Variants in NGLY1 observed in about 807,000 individuals in gnomAD.
The protein encoded by NGLY1 is peptide-N(4)-(N-acetyl-beta-glucosaminyl)asparagine amidase.
In NGLY1, 68 loss-of-function variants were observed where a neutral mutation model predicts 84.6. The ratio of observed to expected loss-of-function variants is 0.80; its 90% CI spans 0.66 to 0.98. NGLY1 has a LOEUF of 0.98. Ranked by LOEUF, NGLY1 falls within the 50% of genes least tolerant of loss-of-function variation. The pLI, the probability that NGLY1 is intolerant of heterozygous loss-of-function variation, is 0.00. For synonymous variants in NGLY1, 280 were observed against 275.2 expected (o/e 1.02, Z -0.17); for missense variants, 779 against 770.2 (o/e 1.01, Z -0.14).
intron 10 of NGLY1, among the ~76,000 whole-genome samples, chr3:25,726,616 C>A (rs1005641610): frequency 6.6e-6 from 1 of 152,138 alleles, no homozygotes; most frequent in Admixed American, 6.5e-5. Flanking sequence ...CAAGGGGTAG[C>A]ACAGTGCAAG....
At position 25,764,327 on chromosome 3, in the gene NGLY1, T is replaced by A; in HGVS notation, c.247-16A>T. 6.3e-7 allele frequency: 1 copy of A among 1,599,484 alleles called. No individual in the cohort carries two copies. The highest frequency in any genetic ancestry group is 1.4e-5 in the African/African-American group (1 of 73,794). ...GTGTTTCTCCCTGGAATTTATAAAATTAAAAAAAATGTGAACCTTTGCTTT... is the reference window on the plus strand; with the variant it reads ...GTGTTTCTCCCTGGAATTTATAAAAATAAAAAAAATGTGAACCTTTGCTTT... On this transcript the variant is annotated splice_polypyrimidine_tract_variant and intron_variant, in intron 2 of 11. Coordinates refer to ENST00000280700, the MANE Select transcript of NGLY1 (RefSeq NM_018297.4).
intron 1 of NGLY1, among the ~76,000 whole-genome samples, chr3:25,781,500 T>C (rs1460263251): frequency 1.3e-5 from 2 of 152,196 alleles, no homozygotes; most frequent in Non-Finnish European, 2.9e-5. Context: ...TCCTCTTTCC[T>C]ATCCTTGGAA....
chr3:25,782,816 C>G (rs961570884), intron 1 of NGLY1: 2 of 162,894 alleles, frequency 1.2e-5, no homozygotes, highest in African/African-American at 4.8e-5. Flanking sequence ...TGAGTAACTT[C>G]TGATAAGTAT....
chr3:25,773,136 C>A (rs1204810428), intron 2 of NGLY1, among the ~76,000 whole-genome samples: 2 of 152,068 alleles, frequency 1.3e-5, no homozygotes, highest in Non-Finnish European at 1.5e-5. Flanking sequence ...ATGAATTTCC[C>A]AGGTGTTCTT....
At chr3:25,743,504 A>G (rs918287099) in intron 4 of NGLY1, among the ~76,000 whole-genome samples, 2 of 152,148 alleles carry the variant, frequency 1.3e-5, no homozygotes, top group Non-Finnish European at 2.9e-5. Context: ...AAAATCTTGT[A>G]TCAAACAGCA....
chr3:25,761,222 G>A (rs544521571), intron 3 of NGLY1, among the ~76,000 whole-genome samples: 6 of 152,236 alleles, frequency 3.9e-5, no homozygotes, highest in African/African-American at 1.4e-4. Context: ...GATTAGCTGA[G>A]TAAAAAGTAC....
upstream of NGLY1, among the ~76,000 whole-genome samples, chr3:25,786,055 A>T (rs930565939): frequency 1.3e-5 from 2 of 152,200 alleles, no homozygotes; most frequent in Non-Finnish European, 2.9e-5. Context: ...TTCCTGAAAG[A>T]CTTCAACTCC....
Position 25,751,175 on chromosome 3 carries a change from G to A in NGLY1, c.581C>T (p.Ala194Val), listed in dbSNP as rs750077439. 5.6e-6 allele frequency: 9 copies of A among 1,613,484 alleles called. No individual in the cohort carries two copies. The highest frequency in any genetic ancestry group is 3.3e-5 in the Admixed American group (2 of 59,956). ...TTCTTGGACCGGAATACAAGCCAAC[G>A]CTTTCTCCTGAAGAGCAGGATTTTC... is the stretch of plus-strand genomic sequence containing the variant. ...VYENPALQEKALACIPVQELK... is the reference protein window; with the variant it reads ...VYENPALQEKVLACIPVQELK... Residue 194 changes from alanine to valine, a missense_variant, in exon 4 of 12, where the codon GCG becomes GTG. By Grantham distance (64) the Ala-to-Val change is moderately conservative (BLOSUM62 0). Transcript: ENST00000280700.
chr3:25,754,503 A>G (rs1706929351), intron 3 of NGLY1, among the ~76,000 whole-genome samples: 1 of 152,190 alleles, frequency 6.6e-6, no homozygotes, highest in African/African-American at 2.4e-5. Flanking sequence ...ATAAGCCATT[A>G]AAGAGACTTA....
chr3:25,765,197 C>T (rs1294110511), intron 2 of NGLY1, among the ~76,000 whole-genome samples: 2 of 151,930 alleles, frequency 1.3e-5, no homozygotes, highest in Non-Finnish European at 2.9e-5. Flanking sequence ...TGGTGGCTCA[C>T]GCCTGTAATC....
rs1382052956 is a variant in NGLY1, at chr3:25,719,418, A to G, written c.*42T>C. On this transcript the variant is annotated 3_prime_UTR_variant, in exon 12 of 12. Transcript: ENST00000280700. ...CACTGAACCAACAGACTACTTCAGT[A>G]AGTCCTTGATTATTGCCAGCTTTTC... is the stretch of plus-strand genomic sequence containing the variant. 1.3e-6 allele frequency: 2 copies of G among 1,573,150 alleles called. No homozygotes were observed. The highest frequency in any genetic ancestry group is 1.1e-5 in the South Asian group (1 of 88,642).
chr3:25,756,907 G>A (rs1707065187), intron 3 of NGLY1, among the ~76,000 whole-genome samples: 1 of 152,142 alleles, frequency 6.6e-6, no homozygotes. Flanking sequence ...CACTTTCCCA[G>A]TTTTCCTCTT....
intron 2 of NGLY1, among the ~76,000 whole-genome samples, chr3:25,777,248 A>G (rs1437958250): frequency 6.6e-6 from 1 of 152,146 alleles, no homozygotes; most frequent in Non-Finnish European, 1.5e-5. Context: ...ATACAAAATT[A>G]GCCAGGCGTG....
chr3:25,736,113 T>C lies in NGLY1; in HGVS notation c.1040A>G (p.Gln347Arg). The C allele has an allele frequency of 6.2e-7, 1 of 1,613,956 alleles. No individual in the cohort carries two copies. The highest frequency in any genetic ancestry group is 8.5e-7 in the Non-Finnish European group (1 of 1,179,942). The change falls in exon 7 of 12, where the codon CAG (glutamine) becomes CGG (arginine). Residue 347 changes from glutamine to arginine, a missense_variant. By Grantham distance (43) the Gln-to-Arg change is conservative. Transcript: ENST00000280700. Reference sequence around the variant, plus strand: ...ACATGCATCACAGTGCAGCCACCGCTGCTGAGAAGGAGAATAGACTTCTGT... The same window carrying C: ...ACATGCATCACAGTGCAGCCACCGCCGCTGAGAAGGAGAATAGACTTCTGT... Reference protein sequence around the residue: ...VWTEVYSPSQQRWLHCDACED... With the variant: ...VWTEVYSPSQRRWLHCDACED...
chr3:25,739,085 G>A (rs1384393611), intron 5 of NGLY1, among the ~76,000 whole-genome samples: 2 of 152,044 alleles, frequency 1.3e-5, no homozygotes, highest in Non-Finnish European at 2.9e-5. Context: ...ACAATTATGT[G>A]TTTAAAATAA....
At chr3:25,731,835 T>C (rs991759539) in intron 9 of NGLY1, among the ~76,000 whole-genome samples, 1 of 152,092 alleles carries the variant, frequency 6.6e-6, no homozygotes, top group Non-Finnish European at 1.5e-5. Flanking sequence ...GCTATATGAT[T>C]CCATTTTATA....
Position 25,783,066 on chromosome 3 carries a change from G to C in NGLY1, c.131+194C>G. 1.8e-6 allele frequency: 1 copy of C among 544,786 alleles called. No homozygotes were observed. The highest frequency in any genetic ancestry group is 3.3e-6 in the Non-Finnish European group (1 of 304,714). 33.7% of individuals were successfully genotyped at this position (544,786 alleles called of 1,614,324 possible). Reference sequence around the variant, plus strand: ...AAAGAAACTTCCTTTTCTCGAGCGGGGGTGGGACTTGGCCGGGTCCCGAGG... The same window carrying C: ...AAAGAAACTTCCTTTTCTCGAGCGGCGGTGGGACTTGGCCGGGTCCCGAGG... On this transcript the variant is annotated intron_variant, in intron 1 of 11. Coordinates refer to ENST00000280700, the MANE Select transcript of NGLY1 (RefSeq NM_018297.4). The surrounding 1 kb of genome is among the most constrained non-coding windows in gnomAD (Gnocchi z 4.5).
chr3:25,772,570 T>G (rs1273009160), intron 2 of NGLY1, among the ~76,000 whole-genome samples: 1 of 152,208 alleles, frequency 6.6e-6, no homozygotes, highest in Admixed American at 6.5e-5. Context: ...AGAGAATACA[T>G]GGTTGGTAAA....
chr3:25,736,269 T>C, intron 6 of NGLY1, 120 bp from the exon 7 acceptor site: 2 of 1,550,818 alleles, frequency 1.3e-6, no homozygotes, highest in East Asian at 2.4e-5. Context: ...TGAATTTCAG[T>C]TAATAAGTGC....
Sources: gnomAD v4.1 joint callset for allele counts (sites outside exome capture counted in the v4.1 genomes callset) on GRCh38, gnomAD v4.1.1 for gene constraint, Gnocchi (gnomAD v3.1) non-coding constraint, MANE v1.5 for transcripts, NCBI Gene and HGNC (gene_info 2026-07-23, HGNC 2026-07-21) for gene names.